Variants in RBL1 observed in about 807,000 individuals in gnomAD.
RBL1 encodes the protein retinoblastoma-like protein 1.
RBL1 carries 82 observed loss-of-function variants against 123.0 expected under a neutral mutation model. The observed-to-expected ratio is 0.67, with a 90% CI of 0.56 to 0.80. The LOEUF is 0.80. Among genes scored for constraint, RBL1 ranks in the 30% least tolerant of loss-of-function variants. The pLI, the probability that RBL1 is intolerant of heterozygous loss-of-function variation, is 0.00. For missense variants in RBL1, 1,171 were observed against 1,299.6 expected (o/e 0.90, Z 1.52); for synonymous variants, 405 against 441.3 (o/e 0.92, Z 1.03).
chr20:37,074,969 T>C (rs983755414), intron 2 of RBL1, among the ~76,000 whole-genome samples: 6 of 152,216 alleles, frequency 3.9e-5, no homozygotes, highest in South Asian at 2.1e-4. Context: ...AAGGTAGAAA[T>C]AACTCATTAA....
chr20:37,064,283 G>A (rs1020069991), intron 7 of RBL1, among the ~76,000 whole-genome samples: 13 of 151,730 alleles, frequency 8.6e-5, no homozygotes, highest in African/African-American at 2.9e-4. Flanking sequence ...GACTACAGGC[G>A]TGTGCCACCA....
chr20:37,033,646 C>G (rs2064552854), intron 15 of RBL1, among the ~76,000 whole-genome samples: 1 of 148,290 alleles, frequency 6.7e-6, no homozygotes, highest in Non-Finnish European at 1.5e-5. Flanking sequence ...CAGTCTCACT[C>G]TGTCACCCAG....
rs142095316 is a variant in RBL1 at position 37,016,001 on chromosome 20, G to GT, written c.2722+2277dup. ...CCTCCCAAAGTACTGGATTACAGGC[G>GT]TGAGCCACCGTGCCCAGCGGTTTTT... On this transcript the variant is annotated intron_variant, in intron 19 of 21. Transcript: ENST00000373664. 2.2e-3 allele frequency among the ~76,000 whole-genome samples: 321 copies of GT among 149,078 alleles called. 2 individuals are homozygous for GT. Among genetic ancestry groups the GT allele is most frequent in the African/African-American group, 7.7e-3 (312 of 40,480 alleles).
At chr20:37,032,058 C>T (rs2064522766) in intron 16 of RBL1, among the ~76,000 whole-genome samples, 1 of 151,668 alleles carries the variant, frequency 6.6e-6, no homozygotes, top group Admixed American at 6.6e-5. Context: ...TGAACAGACA[C>T]CTGTACACAA....
chr20:37,023,598 A>G (rs2064376424), intron 16 of RBL1, among the ~76,000 whole-genome samples: 1 of 152,122 alleles, frequency 6.6e-6, no homozygotes, highest in Admixed American at 6.6e-5. Context: ...TTAGGAGCAC[A>G]ATGGGAACGA....
intron 2 of RBL1, among the ~76,000 whole-genome samples, chr20:37,072,204 C>T (rs1263712727): frequency 6.6e-6 from 1 of 152,224 alleles, no homozygotes; most frequent in Non-Finnish European, 1.5e-5. Context: ...TGCAGTGGCT[C>T]ACGCCTGTAA....
intron 19 of RBL1, among the ~76,000 whole-genome samples, chr20:37,014,799 A>C (rs1204085896): frequency 1.3e-5 from 2 of 152,070 alleles, no homozygotes; most frequent in Admixed American, 6.6e-5. Flanking sequence ...GCAGTGGCTG[A>C]CGCCTGTAAT....
intron 19 of RBL1, among the ~76,000 whole-genome samples, chr20:37,010,852 A>G (rs1309532734): frequency 6.6e-6 from 1 of 152,068 alleles, no homozygotes; most frequent in Non-Finnish European, 1.5e-5. Flanking sequence ...ATCTTGCTCT[A>G]TCACCCAGGC....
At chr20:37,067,326 C>G in intron 3 of RBL1, 29 bp from the exon 4 acceptor site, 1 of 1,493,076 alleles carries the variant, frequency 6.7e-7, no homozygotes. Context: ...TACTTTTTGT[C>G]TGACTAGCTC....
At chr20:37,093,766 T>G (rs1329688216) in intron 1 of RBL1, among the ~76,000 whole-genome samples, 1 of 151,608 alleles carries the variant, frequency 6.6e-6, no homozygotes, top group Non-Finnish European at 1.5e-5. Context: ...CTCAGCCTCC[T>G]GAGTAGCTGG....
intron 3 of RBL1, 129 bp downstream of exon 3, chr20:37,067,857 G>A: frequency 9.4e-7 from 1 of 1,062,390 alleles, no homozygotes; most frequent in Non-Finnish European, 1.3e-6. Context: ...AATTGTACAT[G>A]GATTTAAAAA....
chr20:37,075,693 T>C (rs948781881), intron 2 of RBL1, among the ~76,000 whole-genome samples: 8 of 152,136 alleles, frequency 5.3e-5, no homozygotes, highest in Non-Finnish European at 1.0e-4. Flanking sequence ...TGACCTCAGG[T>C]GATCCACCCA....
At chr20:37,025,496 G>C (rs942403572) in intron 16 of RBL1, among the ~76,000 whole-genome samples, 1 of 152,076 alleles carries the variant, frequency 6.6e-6, no homozygotes, top group African/African-American at 2.4e-5. Context: ...CCCCTGCACG[G>C]GTGACAGAGC....
At chr20:37,009,251 T>C (rs1057068276) in intron 19 of RBL1, among the ~76,000 whole-genome samples, 1 of 152,178 alleles carries the variant, frequency 6.6e-6, no homozygotes, top group Non-Finnish European at 1.5e-5. Context: ...CTCGAACTCC[T>C]GACCTCAGGT....
rs111954302 is a variant in RBL1 at position 37,067,982 on chromosome 20, T to A, written c.491+4A>T. On this transcript the variant is annotated splice_donor_region_variant and intron_variant, in intron 3 of 21. Coordinates refer to ENST00000373664, the MANE Select transcript of RBL1 (RefSeq NM_002895.5). ...TGTCAATTATATAAGGATTAAGGGC[T>A]CACCTCTGCTTCCGGCTTCGTGGTA... The A allele has an allele frequency of 1.4e-5, 23 of 1,613,124 alleles. No homozygotes were observed. Among genetic ancestry groups the A allele is most frequent in the Non-Finnish European group, 1.9e-5 (22 of 1,179,716 alleles).
intron 21 of RBL1, among the ~76,000 whole-genome samples, chr20:36,999,348 A>T (rs2063925675): frequency 6.8e-6 from 1 of 146,848 alleles, no homozygotes; most frequent in African/African-American, 2.4e-5. Flanking sequence ...AGCTGCAGTG[A>T]GCAGTGATCA....
chr20:37,057,049 C>G (rs2065024025), intron 9 of RBL1, among the ~76,000 whole-genome samples: 1 of 149,730 alleles, frequency 6.7e-6, no homozygotes, highest in Admixed American at 6.7e-5. Flanking sequence ...ACCTACCTAC[C>G]TATCTACCTA....
chr20:37,055,920 C>G (rs1044100629), intron 10 of RBL1, among the ~76,000 whole-genome samples: 1 of 151,620 alleles, frequency 6.6e-6, no homozygotes, highest in African/African-American at 2.4e-5. Context: ...GGTGGTGGGT[C>G]CCTGTAATAG....
chr20:37,092,296 T>G (rs1393180428), intron 1 of RBL1, among the ~76,000 whole-genome samples: 1 of 152,086 alleles, frequency 6.6e-6, no homozygotes, highest in South Asian at 2.1e-4. Flanking sequence ...AGTCCTAAAA[T>G]TATTGTTTCG....
Sources: allele counts gnomAD v4.1 joint callset (sites outside exome capture counted in the v4.1 genomes callset), GRCh38; gene constraint gnomAD v4.1.1; transcripts MANE v1.5; gene names NCBI Gene and HGNC (gene_info 2026-07-23, HGNC 2026-07-21).